Variants in EYA4 observed in about 807,000 individuals in gnomAD.
The protein encoded by EYA4 is protein phosphatase EYA4.
In EYA4, 31 loss-of-function variants were observed where a neutral mutation model predicts 87.9. The ratio of observed to expected loss-of-function variants is 0.35; its 90% CI spans 0.27 to 0.48. The LOEUF (loss-of-function observed/expected upper bound fraction) is 0.48, where lower values mean the gene tolerates loss of function less well. Among genes scored for constraint, EYA4 ranks in the 20% least tolerant of loss-of-function variants. The pLI is 0.99. For missense variants in EYA4, 678 were observed against 761.4 expected (o/e 0.89, Z 1.29); for synonymous variants, 263 against 270.6 (o/e 0.97, Z 0.28).
intron 11 of EYA4, among the ~76,000 whole-genome samples, chr6:133,472,920 T>A (rs1795398318): frequency 6.6e-6 from 1 of 151,506 alleles, no homozygotes; most frequent in South Asian, 2.1e-4. Context: ...TTGCAACCCC[T>A]GCCTTTTTTT....
intron 13 of EYA4, among the ~76,000 whole-genome samples, chr6:133,483,620 C>T (rs1175851416): frequency 6.6e-6 from 1 of 151,676 alleles, no homozygotes; most frequent in Admixed American, 6.6e-5. Context: ...ACAAAGTCAG[C>T]AATAGATGGT....
chr6:133,451,165 G>A (rs745492652), intron 5 of EYA4, among the ~76,000 whole-genome samples: 1 of 152,118 alleles, frequency 6.6e-6, no homozygotes, highest in Non-Finnish European at 1.5e-5. Flanking sequence ...ACAAATTAAC[G>A]TGATTGTATT....
intron 1 of EYA4, among the ~76,000 whole-genome samples, chr6:133,266,887 C>G (rs982944164): frequency 9.9e-5 from 15 of 152,046 alleles, no homozygotes; most frequent in African/African-American, 3.6e-4. Context: ...TTATCAGATA[C>G]ATTATGTATG....
intron 3 of EYA4, among the ~76,000 whole-genome samples, chr6:133,404,344 A>G (rs1452630835): frequency 6.6e-6 from 1 of 152,222 alleles, no homozygotes; most frequent in Non-Finnish European, 1.5e-5. Flanking sequence ...CATTCTGTCC[A>G]TTCACACTCA....
intron 2 of EYA4, among the ~76,000 whole-genome samples, chr6:133,378,457 A>G (rs1421363678): frequency 6.6e-6 from 1 of 152,146 alleles, no homozygotes; most frequent in Non-Finnish European, 1.5e-5. Context: ...TTGAAGTCAA[A>G]TTTTAAATAT....
intron 2 of EYA4, among the ~76,000 whole-genome samples, chr6:133,318,516 T>C (rs754753214): frequency 2.0e-5 from 3 of 152,176 alleles, no homozygotes; most frequent in African/African-American, 4.8e-5. Flanking sequence ...CTATTCTGTC[T>C]TCCCATCTGA....
intron 3 of EYA4, among the ~76,000 whole-genome samples, chr6:133,394,062 C>T (rs990797442): frequency 2.6e-4 from 39 of 152,254 alleles, no homozygotes; most frequent in African/African-American, 8.7e-4. Flanking sequence ...ATTTGGTTTT[C>T]AATAAGCCAA....
intron 3 of EYA4, among the ~76,000 whole-genome samples, chr6:133,437,199 A>T (rs1791772352): frequency 1.3e-5 from 2 of 152,210 alleles, no homozygotes; most frequent in African/African-American, 4.8e-5. Flanking sequence ...AGAAAGAATG[A>T]CTACCTTTAA....
At chr6:133,304,176 G>A (rs910776703) in intron 2 of EYA4, among the ~76,000 whole-genome samples, 32 of 152,012 alleles carry the variant, frequency 2.1e-4, no homozygotes, top group African/African-American at 7.7e-4. Flanking sequence ...CCATCATTTA[G>A]CTCACCCTTA....
chr6:133,400,165 G>A (rs537113491), intron 3 of EYA4, among the ~76,000 whole-genome samples: 18 of 152,206 alleles, frequency 1.2e-4, no homozygotes, highest in African/African-American at 3.6e-4. Flanking sequence ...TACATATTAT[G>A]TGCAAAACAA....
chr6:133,439,076 A>AAAAAAAG (rs1491114528), intron 3 of EYA4, among the ~76,000 whole-genome samples: 4 of 136,296 alleles, frequency 2.9e-5, no homozygotes, highest in African/African-American at 1.1e-4. Flanking sequence ...AAAAAAAAAA[A>AAAAAAAG]GTCTTTGGGT....
intron 2 of EYA4, among the ~76,000 whole-genome samples, chr6:133,279,398 A>T (rs932623146): frequency 6.6e-6 from 1 of 152,082 alleles, no homozygotes; most frequent in Non-Finnish European, 1.5e-5. Context: ...ACTCACATTC[A>T]TTGGATTATG....
intron 2 of EYA4, among the ~76,000 whole-genome samples, chr6:133,355,939 G>A (rs1345234858): frequency 6.6e-6 from 1 of 151,926 alleles, no homozygotes. Flanking sequence ...ATTTCTCACA[G>A]GTCTGGAGAT....
chr6:133,420,784 A>G (rs1025384269), intron 3 of EYA4, among the ~76,000 whole-genome samples: 2 of 152,238 alleles, frequency 1.3e-5, no homozygotes, highest in African/African-American at 4.8e-5. Flanking sequence ...CATTTGCTAC[A>G]TGCAGACAGA....
chr6:133,324,673 T>G lies in EYA4; in HGVS notation c.33+49860T>G, dbSNP rs1016913779. On this transcript the variant is annotated intron_variant, in intron 2 of 19. Coordinates refer to ENST00000355286, the MANE Select transcript of EYA4 (RefSeq NM_004100.5). Reference sequence around the variant, plus strand: ...AGATAGGAGACCAATACCAGGTTGTTTCTCTGATCCAGGCTGGTTCTCAGC... The same window carrying G: ...AGATAGGAGACCAATACCAGGTTGTGTCTCTGATCCAGGCTGGTTCTCAGC... Among the ~76,000 whole-genome samples the G allele has an allele frequency of 5.3e-5, 8 of 151,986 alleles. 1 individual carries two copies. The highest frequency in any genetic ancestry group is 1.9e-4 in the African/African-American group (8 of 41,334).
intron 16 of EYA4, 55 bp from the exon 17 acceptor site, chr6:133,515,266 A>T (rs1799492552): frequency 3.5e-6 from 3 of 855,246 alleles, no homozygotes; most frequent in Non-Finnish European, 6.1e-6. Flanking sequence ...TCTAAACTAG[A>T]TATTCTGAGA....
At chr6:133,473,494 C>T (rs561675233) in intron 11 of EYA4, among the ~76,000 whole-genome samples, 3 of 152,094 alleles carry the variant, frequency 2.0e-5, no homozygotes, top group South Asian at 4.1e-4. Flanking sequence ...TTTTAAGCAA[C>T]AGCCAAGATA....
At chr6:133,252,987 A>G (rs866722259) in intron 1 of EYA4, among the ~76,000 whole-genome samples, 1 of 118,090 alleles carries the variant, frequency 8.5e-6, no homozygotes, top group Non-Finnish European at 1.8e-5. Context: ...ACACACACAC[A>G]CACTCACTCT....
intron 2 of EYA4, among the ~76,000 whole-genome samples, chr6:133,279,945 C>G (rs895195840): frequency 6.6e-6 from 1 of 152,096 alleles, no homozygotes; most frequent in African/African-American, 2.4e-5. Flanking sequence ...AATCATTTTT[C>G]TATTTTTATA....
Sources: allele counts gnomAD v4.1 joint callset (sites outside exome capture counted in the v4.1 genomes callset), GRCh38; gene constraint gnomAD v4.1.1; transcripts MANE v1.5; gene names NCBI Gene and HGNC (gene_info 2026-07-23, HGNC 2026-07-21).